The following ITPR1 variants were observed in gnomAD, a reference collection of about 807,000 sequenced individuals.
ITPR1 encodes inositol 1,4,5-trisphosphate receptor type 1.
In ITPR1, 96 loss-of-function variants were observed where a neutral mutation model predicts 318.4. The observed-to-expected ratio is 0.30, with a 90% CI of 0.26 to 0.36. The LOEUF (loss-of-function observed/expected upper bound fraction) is 0.36. Among genes scored for constraint, ITPR1 ranks in the 10% least tolerant of loss-of-function variants. ITPR1 has a pLI of 1.00. For synonymous variants in ITPR1, 1,312 were observed against 1,289.9 expected (o/e 1.02, Z -0.37); for missense variants, 2,440 against 3,460.2 (o/e 0.71, Z 7.40).
Position 4,674,289 on chromosome 3 carries a change from G to T in ITPR1, c.2544G>T (p.Val848=). 6.2e-7 allele frequency: 1 copy of T among 1,600,702 alleles called. No homozygotes were observed. The highest frequency in any genetic ancestry group is 8.5e-7 in the Non-Finnish European group (1 of 1,172,648). ...TTGTGGAGGAGTATTTAAGAGATGT[G>T]GTTTGTCAGAGGTTCCCTTTCTCTG... ...MEFVEEYLRD[V]VCQRFPFSDK... is the part of the protein sequence containing the mutation. The change falls in exon 22 of 62, where the codon GTG becomes GTT. Residue 848 remains valine (V), a synonymous_variant. Transcript: ENST00000649015.
chr3:4,650,953 A>C (rs904234127), intron 10 of ITPR1, among the ~76,000 whole-genome samples: 10 of 152,190 alleles, frequency 6.6e-5, no homozygotes, highest in African/African-American at 2.4e-4. Context: ...TTTGTTGTAC[A>C]CTAAAGTGAC....
At chr3:4,718,962 C>G (rs1370139726) in intron 40 of ITPR1, among the ~76,000 whole-genome samples, 3 of 152,218 alleles carry the variant, frequency 2.0e-5, no homozygotes, top group Non-Finnish European at 2.9e-5. Flanking sequence ...GGTTGAGTTT[C>G]TATTTGCTTA....
At chr3:4,768,465 C>A in intron 45 of ITPR1, 46 bp from the exon 46 acceptor site, 1 of 1,550,786 alleles carries the variant, frequency 6.4e-7, no homozygotes, top group Non-Finnish European at 8.7e-7. Context: ...GTGAATAGGG[C>A]CCATGAGGAC....
intron 4 of ITPR1, among the ~76,000 whole-genome samples, chr3:4,558,047 T>C (rs1391451862): frequency 6.6e-6 from 1 of 152,230 alleles, no homozygotes; most frequent in Non-Finnish European, 1.5e-5. Flanking sequence ...GTAAAGTGTT[T>C]GGACCATTCT....
rs1202441335 is a variant in ITPR1, at chr3:4,733,212, G to A, written c.5345G>A (p.Gly1782Glu). 1 of 1,613,984 alleles carries A rather than the reference G, an allele frequency of 6.2e-7. No homozygotes were observed. The highest frequency in any genetic ancestry group is 1.7e-5 in the Admixed American group (1 of 60,022). ...TCAGCAGGAGGACCCGGCAAGCCCGGGGGAGGAGGTACGCTTTGTGGTGTA... is the reference window on the plus strand; with the variant it reads ...TCAGCAGGAGGACCCGGCAAGCCCGAGGGAGGAGGTACGCTTTGTGGTGTA... ...PLSAGGPGKP[G>E]GGGGGSGSSS... Residue 1782 changes from glycine (G) to glutamate (E), a missense_variant, in exon 43 of 62, where the codon GGG becomes GAG. Coordinates refer to ENST00000649015, the MANE Select transcript of ITPR1 (RefSeq NM_001378452.1).
At chr3:4,654,425 A>C (rs1219591680) in intron 12 of ITPR1, among the ~76,000 whole-genome samples, 1 of 152,232 alleles carries the variant, frequency 6.6e-6, no homozygotes, top group Non-Finnish European at 1.5e-5. Context: ...TTAGAATTTT[A>C]AGTGCAAAAT....
Position 4,779,676 on chromosome 3 carries a change from C to A in ITPR1, c.6387+31C>A. 1 of 1,461,696 alleles carries A rather than the reference C, an allele frequency of 6.8e-7. No individual in the cohort carries two copies. The highest frequency in any genetic ancestry group is 9.6e-7 in the Non-Finnish European group (1 of 1,042,824). The allele number at this position is 1,461,696 out of a possible 1,614,324, so 90.5% of individuals were successfully genotyped here. On this transcript the variant is annotated intron_variant, in intron 49 of 61. Coordinates refer to ENST00000649015, the MANE Select transcript of ITPR1 (RefSeq NM_001378452.1). The surrounding 1 kb of genome is among the most constrained non-coding windows in gnomAD (Gnocchi z 4.0). ...TCGGGTGACGGATCTGATGGTAGCA[C>A]CAAGGAGCATTGCGACGATATTTGG... is the stretch of plus-strand genomic sequence containing the variant.
intron 4 of ITPR1, among the ~76,000 whole-genome samples, chr3:4,551,434 C>G (rs1302619719): frequency 6.6e-6 from 1 of 152,206 alleles, no homozygotes; most frequent in Admixed American, 6.5e-5. Flanking sequence ...CTTCAGCATA[C>G]AGGGTTTTTT....
chr3:4,578,104 A>T (rs1341030720), intron 4 of ITPR1, among the ~76,000 whole-genome samples: 2 of 152,236 alleles, frequency 1.3e-5, no homozygotes, highest in Admixed American at 1.3e-4. Flanking sequence ...CAAAAAGAGA[A>T]AAAGGATTAC....
chr3:4,534,066 G>A (rs1298490169), intron 4 of ITPR1, among the ~76,000 whole-genome samples: 1 of 152,158 alleles, frequency 6.6e-6, no homozygotes, highest in Non-Finnish European at 1.5e-5. Context: ...TTCTCTCCCG[G>A]GCTTTGAGGA....
intron 4 of ITPR1, among the ~76,000 whole-genome samples, chr3:4,614,314 G>C (rs138323739): frequency 1.2e-3 from 188 of 152,322 alleles, no homozygotes; most frequent in Middle Eastern, 6.8e-3. Context: ...TGTTGTAACA[G>C]TAGCTTGTTT....
intron 51 of ITPR1, among the ~76,000 whole-genome samples, chr3:4,786,916 T>C (rs55867021): frequency 0.022 from 3,355 of 152,328 alleles, 60 homozygotes; most frequent in South Asian, 0.047. Flanking sequence ...AGTTCCCATC[T>C]AGGAAAAATA....
intron 4 of ITPR1, among the ~76,000 whole-genome samples, chr3:4,567,554 G>A (rs1198173004): frequency 2.0e-5 from 3 of 152,088 alleles, no homozygotes; most frequent in Admixed American, 6.6e-5. Context: ...GGGCTTGGGG[G>A]CTGAGGTGGG....
chr3:4,673,964 A>C (rs1483309133), intron 21 of ITPR1, among the ~76,000 whole-genome samples: 4 of 152,226 alleles, frequency 2.6e-5, no homozygotes, highest in Non-Finnish European at 5.9e-5. Flanking sequence ...AGCTCAAGAA[A>C]TATATCAGTG....
intron 2 of ITPR1, among the ~76,000 whole-genome samples, chr3:4,508,672 T>G (rs2081574354): frequency 6.6e-6 from 1 of 152,168 alleles, no homozygotes; most frequent in African/African-American, 2.4e-5. Flanking sequence ...TTAGTGAGGT[T>G]GTGCTTTGGC....
At chr3:4,824,839 G>A (rs1334441263) in intron 60 of ITPR1, among the ~76,000 whole-genome samples, 5 of 152,192 alleles carry the variant, frequency 3.3e-5, no homozygotes, top group Non-Finnish European at 7.3e-5. Flanking sequence ...GACGGTAGGA[G>A]TTCAGGAAGG....
intron 34 of ITPR1, among the ~76,000 whole-genome samples, chr3:4,699,575 T>C (rs752041298): frequency 5.3e-5 from 8 of 152,334 alleles, no homozygotes; most frequent in Non-Finnish European, 8.8e-5. Context: ...AGCGGTGGCC[T>C]TGTTGGTCTC....
At chr3:4,786,535 C>T (rs1303534008) in intron 51 of ITPR1, among the ~76,000 whole-genome samples, 1 of 152,214 alleles carries the variant, frequency 6.6e-6, no homozygotes, top group Non-Finnish European at 1.5e-5. Context: ...TTGTAGAGCA[C>T]GTTGCATCCT....
At chr3:4,839,059 G>A (rs1300901338) in intron 61 of ITPR1, among the ~76,000 whole-genome samples, 1 of 152,330 alleles carries the variant, frequency 6.6e-6, no homozygotes, top group Non-Finnish European at 1.5e-5. Context: ...CGGGCGTGGT[G>A]GCTCACGCCT....
Sources: allele counts gnomAD v4.1 joint callset (sites outside exome capture counted in the v4.1 genomes callset), GRCh38; gene constraint gnomAD v4.1.1; non-coding constraint Gnocchi (gnomAD v3.1); transcripts MANE v1.5; gene names NCBI Gene and HGNC (gene_info 2026-07-23, HGNC 2026-07-21).